Variants in ADGRV1 observed in about 807,000 individuals in gnomAD.
The protein encoded by ADGRV1 is adhesion G protein-coupled receptor V1.
ADGRV1 carries 359 observed loss-of-function variants against 596.2 expected under a neutral mutation model. The ratio of observed to expected loss-of-function variants is 0.60; its 90% CI spans 0.55 to 0.66. The LOEUF is 0.66. Ranked by LOEUF, ADGRV1 falls within the 30% of genes least tolerant of loss-of-function variation. The probability of loss-of-function intolerance (pLI) is 0.00; values close to 1 mark genes in which losing one functional copy is unlikely to be tolerated. For synonymous variants in ADGRV1, 2,681 were observed against 2,679.2 expected, an observed-to-expected ratio of 1.00 and a Z score of -0.02; for missense variants, 7,274 against 7,575.6, an observed-to-expected ratio of 0.96 and a Z score of 1.48.
At chr5:91,027,210 A>C (rs1784094441) in intron 85 of ADGRV1, among the ~76,000 whole-genome samples, 1 of 149,030 alleles carries the variant, frequency 6.7e-6, no homozygotes, top group African/African-American at 2.5e-5. Flanking sequence ...AGAGGAGAGG[A>C]GCAATCTCTC....
In ADGRV1 at chr5:90,697,191, G is replaced by A. The variant is rs767981229; in HGVS notation, c.8155+45G>A. 10 of 1,516,584 alleles carry A rather than the reference G, an allele frequency of 6.6e-6. No homozygotes were observed. The East Asian group carries it at 1.1e-4, about 17-fold the overall frequency. 93.9% of individuals were successfully genotyped at this position (1,516,584 alleles called of 1,614,324 possible). On this transcript the variant is annotated intron_variant, in intron 34 of 89. Transcript: ENST00000405460. ...AAGCATATTCATTTTCTTTTCTATG[G>A]ATGTTGTCTTTTGTCTAGTTCTTTA...
At chr5:90,906,822 GTTTA>G (rs916904209) in intron 83 of ADGRV1, among the ~76,000 whole-genome samples, 5 of 152,056 alleles carry the variant, frequency 3.3e-5, no homozygotes, top group Non-Finnish European at 7.4e-5. Flanking sequence ...TCATTAGGTT[GTTTA>G]TTTGAATTTT....
At chr5:91,161,237 G>A (rs770249703) in intron 89 of ADGRV1, among the ~76,000 whole-genome samples, 3 of 152,184 alleles carry the variant, frequency 2.0e-5, no homozygotes, top group Non-Finnish European at 2.9e-5. Context: ...AGTTCACTGA[G>A]GTTCTTCCAC....
intron 17 of ADGRV1, 131 bp downstream of exon 17, chr5:90,647,895 T>C: frequency 4.0e-6 from 3 of 745,162 alleles, no homozygotes; most frequent in Non-Finnish European, 4.3e-6. Flanking sequence ...TAAAATTATT[T>C]CATTGCTTTC....
chr5:90,858,837 A>C (rs1395265973), intron 82 of ADGRV1, among the ~76,000 whole-genome samples: 1 of 152,170 alleles, frequency 6.6e-6, no homozygotes. Flanking sequence ...ACATGGTCTT[A>C]AGTTGGCTCT....
chr5:91,016,016 A>G (rs1356284878), intron 85 of ADGRV1, among the ~76,000 whole-genome samples: 1 of 151,784 alleles, frequency 6.6e-6, no homozygotes, highest in African/African-American at 2.4e-5. Context: ...GTCTTTCTCT[A>G]TTTAGTGCTC....
At chr5:90,883,414 G>C (rs773334679) in intron 83 of ADGRV1, among the ~76,000 whole-genome samples, 1 of 152,118 alleles carries the variant, frequency 6.6e-6, no homozygotes, top group Non-Finnish European at 1.5e-5. Context: ...ATAAAATCCA[G>C]TAGTGAGGTA....
In ADGRV1 at chr5:90,703,663, A is replaced by G; in HGVS notation, c.8156-2A>G. 1 of 1,592,260 alleles carries G rather than the reference A, an allele frequency of 6.3e-7. No homozygotes were observed. The highest frequency in any genetic ancestry group is 8.6e-7 in the Non-Finnish European group (1 of 1,165,634). ...TTATCAATTTACACATTTTACTTGCAGGAGAAATTTTACAATTCCATGTGA... is the reference window on the plus strand; with the variant it reads ...TTATCAATTTACACATTTTACTTGCGGGAGAAATTTTACAATTCCATGTGA... On this transcript the variant is annotated splice_acceptor_variant, in intron 34 of 89. Coordinates refer to ENST00000405460, the MANE Select transcript of ADGRV1 (RefSeq NM_032119.4). LOFTEE classifies it high-confidence loss of function.
intron 21 of ADGRV1, among the ~76,000 whole-genome samples, chr5:90,668,087 G>T (rs1015313716): frequency 4.0e-5 from 6 of 151,848 alleles, no homozygotes; most frequent in South Asian, 2.1e-4. Context: ...TGCCCCCAGA[G>T]GTGGAGCCTA....
intron 75 of ADGRV1, among the ~76,000 whole-genome samples, chr5:90,816,484 A>G (rs1434058727): frequency 1.3e-5 from 2 of 151,742 alleles, no homozygotes; most frequent in Non-Finnish European, 2.9e-5. Flanking sequence ...GTATGTACAC[A>G]TGTGCCATGT....
intron 39 of ADGRV1, among the ~76,000 whole-genome samples, chr5:90,710,320 G>A (rs183956502): frequency 6.6e-6 from 1 of 152,108 alleles, no homozygotes; most frequent in Non-Finnish European, 1.5e-5. Flanking sequence ...CCAGGAGCAG[G>A]GTTAGTAATA....
chr5:91,130,706 G>A (rs1794142709), intron 87 of ADGRV1, among the ~76,000 whole-genome samples: 1 of 152,052 alleles, frequency 6.6e-6, no homozygotes, highest in Admixed American at 6.5e-5. Flanking sequence ...GCTGGGGTTT[G>A]GGCTTCTAAT....
At chr5:91,037,725 T>C (rs1284815237) in intron 85 of ADGRV1, among the ~76,000 whole-genome samples, 3 of 152,234 alleles carry the variant, frequency 2.0e-5, no homozygotes. Flanking sequence ...ATCTAGTTTA[T>C]GATATCAAAG....
Position 90,791,078 on chromosome 5 carries a change from C to T in ADGRV1, c.14249C>T (p.Thr4750Ile). The T allele has an allele frequency of 6.2e-7, 1 of 1,613,940 alleles. No individual in the cohort carries two copies. The highest frequency in any genetic ancestry group is 1.1e-5 in the South Asian group (1 of 91,080). The change falls in exon 70 of 90, where the codon ACA (threonine) becomes ATA (isoleucine). Residue 4750 changes from threonine to isoleucine, a missense_variant. Physicochemically the swap from Thr to Ile is moderately conservative, Grantham distance 89. Transcript: ENST00000405460. ...GAELDLEKSI[T>I]WFSVYANDDP... ...GAACTGGATCTGGAGAAGAGTATCA[C>T]ATGGTTCTCTGTTTATGCAAATGAT... is the stretch of plus-strand genomic sequence containing the variant.
chr5:91,072,321 C>T (rs144778393), intron 85 of ADGRV1, 126 bp from the exon 86 acceptor site: 2 of 864,570 alleles, frequency 2.3e-6, no homozygotes, highest in Non-Finnish European at 3.7e-6. Flanking sequence ...TTTGGCAAAC[C>T]AAAAATCTGA....
At chr5:90,929,743 A>G (rs1316624600) in intron 83 of ADGRV1, 2 of 152,250 alleles carry the variant, frequency 1.3e-5, no homozygotes. Flanking sequence ...ATTAATGATT[A>G]GGCACATTTT....
At chr5:90,942,266 C>A (rs73185150) in intron 83 of ADGRV1, among the ~76,000 whole-genome samples, 18,445 of 152,104 alleles carry the variant, frequency 0.12, 1,123 homozygotes, top group East Asian at 0.18. Flanking sequence ...ACTAACAATG[C>A]CAGGTAGTAA....
In ADGRV1 at chr5:90,637,885, A is replaced by G; in HGVS notation, c.2177A>G (p.Asn726Ser). ...FLSGQSDTTI[N>S]ITIKGDDIPE... ...TCTGGGCAAAGTGACACAACAATCA[A>G]CATTACTATCAAAGGTGATGACATA... The change falls in exon 11 of 90, where the codon AAC becomes AGC. Residue 726 changes from asparagine to serine, a missense_variant. Around this residue, in one of 5 missense-constraint regions of ADGRV1, gnomAD observed 1,715 missense variants for 1,708.8 expected, o/e 1.00. Transcript: ENST00000405460. The G allele has an allele frequency of 6.2e-7, 1 of 1,613,728 alleles. No homozygotes were observed. Among genetic ancestry groups the G allele is most frequent in the Non-Finnish European group, 8.5e-7 (1 of 1,179,764 alleles).
intron 59 of ADGRV1, among the ~76,000 whole-genome samples, chr5:90,766,126 G>A (rs1021417976): frequency 2.0e-5 from 3 of 152,170 alleles, no homozygotes; most frequent in South Asian, 2.1e-4. Context: ...AGCCAGGATG[G>A]TCTTGATCTC....
Sources: allele counts gnomAD v4.1 joint callset (sites outside exome capture counted in the v4.1 genomes callset), GRCh38; gene constraint gnomAD v4.1.1; regional missense constraint gnomAD v4.1.1; transcripts MANE v1.5; gene names NCBI Gene and HGNC (gene_info 2026-07-23, HGNC 2026-07-21).